The following TBX18 variants were observed in gnomAD, a reference collection of about 807,000 sequenced individuals.
TBX18 encodes the protein T-box transcription factor TBX18.
In TBX18, 21 loss-of-function variants were observed where a neutral mutation model predicts 55.0. The observed-to-expected ratio is 0.38, with a 90% confidence interval of 0.27 to 0.55. The LOEUF (loss-of-function observed/expected upper bound fraction) is 0.55, where lower values mean the gene tolerates loss of function less well. Among genes scored for constraint, TBX18 ranks in the 20% least tolerant of loss-of-function variants. The pLI is 0.73. For synonymous variants in TBX18, 342 were observed against 326.1 expected (o/e 1.05, Z -0.53); for missense variants, 840 against 799.6 (o/e 1.05, Z -0.61).
Position 84,763,885 on chromosome 6 carries a change from C to A in TBX18, c.292+5G>T. 6.7e-7 allele frequency: 1 copy of A among 1,499,598 alleles called. No homozygotes were observed. Among genetic ancestry groups the A allele is most frequent in the Non-Finnish European group, 8.8e-7 (1 of 1,134,104 alleles). The allele number at this position is 1,499,598 out of a possible 1,614,324, so 92.9% of individuals were successfully genotyped here. ...GAAGTTATAGGCAGGAAGGGGCCCA[C>A]TCACCCGCGGCTCCGCGCTCCAGGT... On this transcript the variant is annotated splice_donor_5th_base_variant and intron_variant, in intron 1 of 7. Coordinates refer to ENST00000369663, the MANE Select transcript of TBX18 (RefSeq NM_001080508.3).
intron 4 of TBX18, among the ~76,000 whole-genome samples, chr6:84,754,534 T>G (rs1767435752): frequency 6.6e-6 from 1 of 152,200 alleles, no homozygotes; most frequent in Admixed American, 6.5e-5. Flanking sequence ...TTTTGCCTAT[T>G]TTCTGCTATG....
rs1473796376 is a variant in TBX18, at chr6:84,735,022, T to C, written c.*1663A>G. ...TCCTGTGCAAATTCAACAGTATATCTCCCTAAGTATCTAACAAATTGTGTT... is the reference window on the plus strand; with the variant it reads ...TCCTGTGCAAATTCAACAGTATATCCCCCTAAGTATCTAACAAATTGTGTT... On this transcript the variant is annotated 3_prime_UTR_variant, in exon 8 of 8. Coordinates refer to ENST00000369663, the MANE Select transcript of TBX18 (RefSeq NM_001080508.3). 1 of 152,208 alleles carries C rather than the reference T, an allele frequency of 6.6e-6. No individual in the cohort carries two copies. The highest frequency in any genetic ancestry group is 1.5e-5 in the Non-Finnish European group (1 of 68,030). The allele number at this position is 152,208 out of a possible 1,614,324, so 9.4% of individuals were successfully genotyped here. A position where few individuals can be genotyped will look rare whatever the true frequency, so the allele number is the denominator to read the frequency against.
chr6:84,758,982 T>C lies in TBX18; in HGVS notation c.599+1273A>G, dbSNP rs533556338. Among the ~76,000 whole-genome samples the C allele has an allele frequency of 3.2e-4, 49 of 152,176 alleles. 1 individual carries two copies. In the South Asian group the frequency reaches 7.5e-3, roughly 23 times the overall value. Reference sequence around the variant, plus strand: ...AACCAACCAAAATGTAGGGAAGACATTGGGAAAATAAATAGGAGACAAACT... The same window carrying C: ...AACCAACCAAAATGTAGGGAAGACACTGGGAAAATAAATAGGAGACAAACT... On this transcript the variant is annotated intron_variant, in intron 3 of 7. Transcript: ENST00000369663.
At chr6:84,742,893 A>G (rs1033133876) in intron 6 of TBX18, among the ~76,000 whole-genome samples, 20 of 152,168 alleles carry the variant, frequency 1.3e-4, no homozygotes, top group Non-Finnish European at 2.4e-4. Flanking sequence ...CTCTTCAGTC[A>G]CCTCACTAAG....
chr6:84,745,222 TTTAA>T (rs1767150458), intron 5 of TBX18, among the ~76,000 whole-genome samples: 1 of 152,126 alleles, frequency 6.6e-6, no homozygotes, highest in Non-Finnish European at 1.5e-5. Context: ...TTACAAATGG[TTTAA>T]TTATCTCCAT....
In TBX18 at chr6:84,733,222, A is replaced by G. The variant is rs1773850813; in HGVS notation, c.*3463T>C. On this transcript the variant is annotated 3_prime_UTR_variant, in exon 8 of 8. Transcript: ENST00000369663. ...ATATATTTGTCGATTTCTAGCACTGATAATTTTTAAGGTTTGAACTCTTAG... is the reference window on the plus strand; with the variant it reads ...ATATATTTGTCGATTTCTAGCACTGGTAATTTTTAAGGTTTGAACTCTTAG... 6.6e-6 allele frequency: 1 copy of G among 152,206 alleles called. No homozygotes were observed. Among genetic ancestry groups the G allele is most frequent in the East Asian group, 1.9e-4 (1 of 5,194 alleles). 9.4% of individuals were successfully genotyped at this position (152,206 alleles called of 1,614,324 possible).
At chr6:84,754,312 A>G (rs1269251321) in intron 4 of TBX18, among the ~76,000 whole-genome samples, 1 of 152,226 alleles carries the variant, frequency 6.6e-6, no homozygotes. Flanking sequence ...AATGGAAAAG[A>G]GCACTTTCCC....
At chr6:84,747,788 A>G (rs1336612586) in intron 5 of TBX18, 132 bp downstream of exon 5, 1 of 792,206 alleles carries the variant, frequency 1.3e-6, no homozygotes, top group African/African-American at 1.7e-5. Context: ...TGTTATTCAT[A>G]TATATACACT....
Position 84,735,239 on chromosome 6 carries a change from T to A in TBX18, c.*1446A>T, listed in dbSNP as rs1267181353. 4.6e-5 allele frequency: 7 copies of A among 152,250 alleles called. No homozygotes were observed. Among genetic ancestry groups the A allele is most frequent in the Non-Finnish European group, 8.8e-5 (6 of 68,036 alleles). The allele number at this position is 152,250 out of a possible 1,614,324, so 9.4% of individuals were successfully genotyped here. A position where few individuals can be genotyped will look rare whatever the true frequency, so the allele number is the denominator to read the frequency against. ...CTCAGAAGGGGAATGTGCCTCATCA[T>A]GTATTCTTAGCCTTTTTTATTTATC... On this transcript the variant is annotated 3_prime_UTR_variant, in exon 8 of 8. Transcript: ENST00000369663.
chr6:84,748,149 C>A, intron 4 of TBX18, 62 bp from the exon 5 acceptor site: 1 of 1,313,150 alleles, frequency 7.6e-7, no homozygotes, highest in Non-Finnish European at 1.1e-6. Flanking sequence ...AACAACCTGA[C>A]TAAATATTTA....
chr6:84,763,508 G>A (rs1423191202), intron 1 of TBX18: 1 of 492,918 alleles, frequency 2.0e-6, no homozygotes, highest in East Asian at 5.9e-5. Context: ...GTTTCAGGGT[G>A]GGGTATGCCG....
intron 4 of TBX18, among the ~76,000 whole-genome samples, chr6:84,755,199 G>A (rs1419051911): frequency 6.6e-6 from 1 of 152,056 alleles, no homozygotes; most frequent in Non-Finnish European, 1.5e-5. Flanking sequence ...CCAGTAATTT[G>A]AACGGAAAGA....
rs569994934 is a variant in TBX18, at chr6:84,732,727, A to C, written c.*3958T>G. ...ACTAAAATTTATCCTGTAAAACTAA[A>C]GCACAGTTCCATTTAAAGGATAAAT... is the stretch of plus-strand genomic sequence containing the variant. On this transcript the variant is annotated 3_prime_UTR_variant, in exon 8 of 8. Coordinates refer to ENST00000369663, the MANE Select transcript of TBX18 (RefSeq NM_001080508.3). 6.6e-6 allele frequency: 1 copy of C among 152,186 alleles called. No homozygotes were observed. Among genetic ancestry groups the C allele is most frequent in the South Asian group, 2.1e-4 (1 of 4,824 alleles). The allele number at this position is 152,186 out of a possible 1,614,324, so 9.4% of individuals were successfully genotyped here. A position where few individuals can be genotyped will look rare whatever the true frequency, so the allele number is the denominator to read the frequency against.
intron 5 of TBX18, 93 bp downstream of exon 5, chr6:84,747,827 T>A: frequency 8.4e-7 from 1 of 1,197,510 alleles, no homozygotes; most frequent in Non-Finnish European, 1.2e-6. Context: ...AAATGCTTTA[T>A]AATTCATAAT....
rs762141083 is a variant in TBX18 at position 84,756,817 on chromosome 6, C to G, written c.652G>C (p.Val218Leu). 3.1e-6 allele frequency: 5 copies of G among 1,614,104 alleles called. No homozygotes were observed. In the South Asian group the frequency reaches 4.4e-5, roughly 14 times the overall value. ...WMVAGNADSPVPPRVYIHPDS... is the reference protein window; with the variant it reads ...WMVAGNADSPLPPRVYIHPDS... The stretch of plus-strand genomic sequence containing the variant: ...GGATGAATGTACACACGGGGTGGCA[C>G]AGGCGAGTCAGCATTACCTGCCACC... The change falls in exon 4 of 8, where the codon GTG becomes CTG. Residue 218 changes from valine (V) to leucine (L), a missense_variant. Val to Leu is a conservative substitution (Grantham distance 32). Coordinates refer to ENST00000369663, the MANE Select transcript of TBX18 (RefSeq NM_001080508.3).
intron 6 of TBX18, among the ~76,000 whole-genome samples, chr6:84,739,053 G>T (rs907634968): frequency 6.6e-6 from 1 of 152,082 alleles, no homozygotes; most frequent in African/African-American, 2.4e-5. Context: ...CCCATCATTT[G>T]GTGCCTCAGC....
chr6:84,745,252 T>C (rs1350903274), intron 5 of TBX18, among the ~76,000 whole-genome samples: 2 of 152,168 alleles, frequency 1.3e-5, no homozygotes, highest in African/African-American at 2.4e-5. Context: ...GTTTTTTTAG[T>C]TATGCCATCC....
rs1773949241 is a variant in TBX18, at chr6:84,736,575, A to G, written c.*110T>C. On this transcript the variant is annotated 3_prime_UTR_variant, in exon 8 of 8. Transcript: ENST00000369663. ...AAAACCCAGTGAGCCTTCATTTTCTATTATATGTACATTTTATAAACCACA... is the reference window on the plus strand; with the variant it reads ...AAAACCCAGTGAGCCTTCATTTTCTGTTATATGTACATTTTATAAACCACA... 22 of 1,291,190 alleles carry G rather than the reference A, an allele frequency of 1.7e-5. No individual in the cohort carries two copies. Among genetic ancestry groups the G allele is most frequent in the Non-Finnish European group, 2.3e-5 (22 of 969,676 alleles). 80.0% of individuals were successfully genotyped at this position (1,291,190 alleles called of 1,614,324 possible).
At chr6:84,738,264 A>C (rs926741824) in intron 7 of TBX18, among the ~76,000 whole-genome samples, 6 of 152,176 alleles carry the variant, frequency 3.9e-5, no homozygotes, top group Admixed American at 3.9e-4. Flanking sequence ...GGATGAGGTA[A>C]AGGTCATGAA....
Sources: gnomAD v4.1 joint callset for allele counts (sites outside exome capture counted in the v4.1 genomes callset) on GRCh38, gnomAD v4.1.1 for gene constraint, MANE v1.5 for transcripts, NCBI Gene and HGNC (gene_info 2026-07-23, HGNC 2026-07-21) for gene names.